The following PBX3 variants were observed in gnomAD, a reference collection of about 807,000 sequenced individuals.
The protein encoded by PBX3 is pre-B-cell leukemia transcription factor 3.
Under a neutral mutation model 48.5 loss-of-function variants are expected in PBX3, and 14 were observed. That is an observed-to-expected ratio of 0.29 (90% CI 0.19 to 0.45). The LOEUF (loss-of-function observed/expected upper bound fraction) is 0.45, where lower values mean the gene tolerates loss of function less well. Among genes scored for constraint, PBX3 ranks in the 20% least tolerant of loss-of-function variants. The pLI, the probability that PBX3 is intolerant of heterozygous loss-of-function variation, is 1.00. For synonymous variants in PBX3, 210 were observed against 200.3 expected (o/e 1.05, Z -0.41); for missense variants, 386 against 546.7 (o/e 0.71, Z 2.93).
chr9:125,927,282 A>G (rs1841598833), intron 3 of PBX3, among the ~76,000 whole-genome samples: 1 of 152,236 alleles, frequency 6.6e-6, no homozygotes, highest in African/African-American at 2.4e-5. Flanking sequence ...AGTATAATAT[A>G]GTGTCACCAC....
Position 125,768,217 on chromosome 9 carries a change from C to T in PBX3, c.274+19594C>T, listed in dbSNP as rs562186345. On this transcript the variant is annotated intron_variant, in intron 2 of 8. Transcript: ENST00000373489. ...TTAATTTCTGCTATGTGATAGAATT[C>T]TTTTAAGATACATGCCATCCTTGTG... Among the ~76,000 whole-genome samples the T allele has an allele frequency of 5.3e-5, 8 of 152,124 alleles. 1 individual carries two copies. The highest frequency in any genetic ancestry group is 4.6e-4 in the Admixed American group (7 of 15,290).
At chr9:125,812,758 T>C (rs909287678) in intron 2 of PBX3, among the ~76,000 whole-genome samples, 4 of 152,260 alleles carry the variant, frequency 2.6e-5, no homozygotes, top group African/African-American at 9.6e-5. Flanking sequence ...CTAGGCTATA[T>C]GGGATAGCTC....
intron 5 of PBX3, among the ~76,000 whole-genome samples, chr9:125,943,540 T>C (rs1368935787): frequency 6.6e-6 from 1 of 152,114 alleles, no homozygotes; most frequent in Non-Finnish European, 1.5e-5. Flanking sequence ...TTCTTTCCAA[T>C]TGAGTATTCT....
In PBX3 at chr9:125,945,544, A is replaced by G. The variant is rs190369288; in HGVS notation, c.843+9937A>G. On this transcript the variant is annotated intron_variant, in intron 5 of 8. Coordinates refer to ENST00000373489, the MANE Select transcript of PBX3 (RefSeq NM_006195.6). ...CTTTTCCCCATGATTGTAACTGAAC[A>G]ATGATTTGTTAAATGCTGTTCCCCT... Among the ~76,000 whole-genome samples the G allele has an allele frequency of 6.4e-3, 972 of 152,258 alleles. 7 individuals are homozygous for G. Among genetic ancestry groups the G allele is most frequent in the Middle Eastern group, 0.017 (5 of 294 alleles).
rs1192746278 is a variant in PBX3 at position 125,771,983 on chromosome 9, A to G, written c.274+23360A>G. On this transcript the variant is annotated intron_variant, in intron 2 of 8. Coordinates refer to ENST00000373489, the MANE Select transcript of PBX3 (RefSeq NM_006195.6). ...AGTTCTTGTTGTGTCTGCTGGTATA[A>G]TTTATGTTATGGCAGGCAGTGGGGT... Among the ~76,000 whole-genome samples, 5 of 152,146 alleles carry G rather than the reference A, an allele frequency of 3.3e-5. No individual in the cohort carries two copies. In the South Asian group the frequency reaches 8.3e-4, roughly 25 times the overall value.
intron 8 of PBX3, among the ~76,000 whole-genome samples, chr9:125,963,721 C>T (rs979259200): frequency 6.6e-6 from 1 of 151,816 alleles, no homozygotes; most frequent in Non-Finnish European, 1.5e-5. Flanking sequence ...GGTGGTGCTG[C>T]GGGGTGTGGT....
intron 2 of PBX3, among the ~76,000 whole-genome samples, chr9:125,813,674 G>A (rs1048437608): frequency 1.3e-5 from 2 of 152,108 alleles, no homozygotes; most frequent in East Asian, 3.9e-4. Context: ...ATTCTGGTAT[G>A]ATAAGATGTT....
intron 2 of PBX3, chr9:125,843,578 G>A (rs1349751159): frequency 9.1e-6 from 2 of 219,710 alleles, no homozygotes; most frequent in East Asian, 1.2e-4. Context: ...AATAAAAGAC[G>A]GAATGCCTTG....
chr9:125,944,570 T>A (rs1238383191), intron 5 of PBX3, among the ~76,000 whole-genome samples: 4 of 152,266 alleles, frequency 2.6e-5, no homozygotes, highest in Admixed American at 6.5e-5. Flanking sequence ...ATGTGTGGAA[T>A]ATAGTACAAA....
chr9:125,758,159 A>G (rs1345398102), intron 2 of PBX3, among the ~76,000 whole-genome samples: 1 of 152,190 alleles, frequency 6.6e-6, no homozygotes, highest in Admixed American at 6.5e-5. Flanking sequence ...TATAAACATA[A>G]ATTCTGTTCT....
chr9:125,924,264 CCTTA>C (rs1296143901), intron 3 of PBX3, among the ~76,000 whole-genome samples: 4 of 152,074 alleles, frequency 2.6e-5, no homozygotes, highest in Non-Finnish European at 5.9e-5. Flanking sequence ...AGAAGAATGG[CCTTA>C]CTTTTTCATT....
In PBX3 at chr9:125,935,474, G is replaced by A; in HGVS notation, c.710G>A (p.Arg237Gln). The A allele has an allele frequency of 1.2e-6, 2 of 1,613,106 alleles. No homozygotes were observed. The highest frequency in any genetic ancestry group is 8.5e-7 in the Non-Finnish European group (1 of 1,179,380). ...ILRSRFLDAR[R>Q]KRRNFSKQAT... ...ATTTTCTTTCACTCTTGTCATAGAC[G>A]GAAAAGGCGTAACTTCAGTAAACAG... Residue 237 changes from arginine (R) to glutamine (Q), a missense_variant and splice_region_variant, in exon 5 of 9, where the codon CGG (arginine) becomes CAG (glutamine). By Grantham distance (43) the Arg-to-Gln change is conservative (BLOSUM62 1). Coordinates refer to ENST00000373489, the MANE Select transcript of PBX3 (RefSeq NM_006195.6).
In PBX3 at chr9:125,817,123, A is replaced by G. The variant is rs546540068; in HGVS notation, c.274+68500A>G. Among the ~76,000 whole-genome samples, 46 of 152,324 alleles carry G rather than the reference A, an allele frequency of 3.0e-4. No homozygotes were observed. In the South Asian group the frequency reaches 9.1e-3, roughly 30 times the overall value. On this transcript the variant is annotated intron_variant, in intron 2 of 8. Transcript: ENST00000373489. ...AGAATTATTCTGTGTTGATAACCTC[A>G]ATAGAGTAAAGAATTGGTCTGTGTT...
chr9:125,871,517 C>T (rs1385329297), intron 2 of PBX3, among the ~76,000 whole-genome samples: 1 of 151,918 alleles, frequency 6.6e-6, no homozygotes, highest in Non-Finnish European at 1.5e-5. Flanking sequence ...AACATAATAG[C>T]ACATGTAGAA....
At chr9:125,961,544 C>G (rs1842431094) in intron 6 of PBX3, among the ~76,000 whole-genome samples, 1 of 152,168 alleles carries the variant, frequency 6.6e-6, no homozygotes, top group African/African-American at 2.4e-5. Flanking sequence ...AGGGGCGTTT[C>G]TGAGAAGGTC....
intron 2 of PBX3, among the ~76,000 whole-genome samples, chr9:125,875,371 CTG>C (rs1216178568): frequency 2.0e-5 from 3 of 152,162 alleles, no homozygotes; most frequent in African/African-American, 7.2e-5. Context: ...GTTTGAGTGA[CTG>C]TATTTTGACC....
intron 2 of PBX3, among the ~76,000 whole-genome samples, chr9:125,866,456 T>C (rs1034476907): frequency 6.6e-6 from 1 of 152,224 alleles, no homozygotes; most frequent in Non-Finnish European, 1.5e-5. Context: ...TGCACTTAAC[T>C]ATCTGCTGCC....
rs1289340446 is a variant in PBX3 at position 125,935,462 on chromosome 9, CTT to C, written c.708-9_708-8del. On this transcript the variant is annotated splice_region_variant and splice_polypyrimidine_tract_variant and intron_variant, in intron 4 of 8. Coordinates refer to ENST00000373489, the MANE Select transcript of PBX3 (RefSeq NM_006195.6). ...GTAACTGCAATTATTTTCTTTCACTCTTGTCATAGACGGAAAAGGCGTAACTT... is the reference window on the plus strand; with the variant it reads ...GTAACTGCAATTATTTTCTTTCACTCGTCATAGACGGAAAAGGCGTAACTT... 6.2e-7 allele frequency: 1 copy of C among 1,612,866 alleles called. No individual in the cohort carries two copies. The highest frequency in any genetic ancestry group is 2.2e-5 in the East Asian group (1 of 44,866).
At chr9:125,800,750 A>AT (rs60068482) in intron 2 of PBX3, among the ~76,000 whole-genome samples, 5,222 of 133,106 alleles carry the variant, frequency 0.039, 328 homozygotes, top group African/African-American at 0.13. Flanking sequence ...CTTGGAATTA[A>AT]TTTTTTTTTT....
Sources: allele counts gnomAD v4.1 joint callset (sites outside exome capture counted in the v4.1 genomes callset), GRCh38; gene constraint gnomAD v4.1.1; transcripts MANE v1.5; gene names NCBI Gene and HGNC (gene_info 2026-07-23, HGNC 2026-07-21).